LAMA1: variants seen among roughly 807,000 people sequenced by gnomAD.
The protein encoded by LAMA1 is laminin subunit alpha 1.
In LAMA1, 219 loss-of-function variants were observed where a neutral mutation model predicts 348.7. That is an observed-to-expected ratio of 0.63 (90% CI 0.56 to 0.70). The LOEUF (loss-of-function observed/expected upper bound fraction) is 0.70, where lower values mean the gene tolerates loss of function less well. Among genes scored for constraint, LAMA1 ranks in the 30% least tolerant of loss-of-function variants. The pLI is 0.00. For missense variants in LAMA1, 3,744 were observed against 3,888.0 expected (o/e 0.96, Z 0.99); for synonymous variants, 1,487 against 1,491.0 (o/e 1.00, Z 0.06).
chr18:7,099,547 A>T (rs900569535), intron 1 of LAMA1, among the ~76,000 whole-genome samples: 1 of 152,018 alleles, frequency 6.6e-6, no homozygotes, highest in African/African-American at 2.4e-5. Context: ...AGCTAACTCA[A>T]ATGGATCATA....
At chr18:7,084,510 T>C (rs1281014989) in intron 1 of LAMA1, among the ~76,000 whole-genome samples, 1 of 152,208 alleles carries the variant, frequency 6.6e-6, no homozygotes, top group Non-Finnish European at 1.5e-5. Context: ...CAGTTACTGT[T>C]ACTGTGATAC....
At position 7,002,361 on chromosome 18, in the gene LAMA1, C is replaced by T. The variant is rs200862963; in HGVS notation, c.4285G>A (p.Asp1429Asn). 3.1e-6 allele frequency: 5 copies of T among 1,613,640 alleles called. No individual in the cohort carries two copies. Among genetic ancestry groups the T allele is most frequent in the Non-Finnish European group, 3.4e-6 (4 of 1,180,034 alleles). Residue 1429 changes from aspartate (D) to asparagine (N), a missense_variant, in exon 30 of 63, where the codon GAC becomes AAC. By Grantham distance (23) the Asp-to-Asn change is conservative (BLOSUM62 1). Around this residue, in one of 3 missense-constraint regions of LAMA1, gnomAD observed 1,983 missense variants for 1,934.3 expected, o/e 1.03. Coordinates refer to ENST00000389658, the MANE Select transcript of LAMA1 (RefSeq NM_005559.4). ...CLNCGDNTAG[D>N]HCDVCTSGYY... The stretch of plus-strand genomic sequence containing the variant: ...CCAGAAGTACACACATCACAATGGT[C>T]ACCTGCTGTGTTATCGCCACAGTTC...
chr18:7,103,954 G>T (rs2058301702), intron 1 of LAMA1, among the ~76,000 whole-genome samples: 1 of 151,978 alleles, frequency 6.6e-6, no homozygotes, highest in Non-Finnish European at 1.5e-5. Context: ...CGTCTGTCTG[G>T]TCTCTAAATA....
At chr18:7,075,404 C>A (rs1195442254) in intron 3 of LAMA1, among the ~76,000 whole-genome samples, 2 of 152,054 alleles carry the variant, frequency 1.3e-5, no homozygotes, top group Non-Finnish European at 2.9e-5. Context: ...GGGCAGGTCA[C>A]CTGAGGTTGG....
At chr18:7,109,213 G>A (rs1018290776) in intron 1 of LAMA1, among the ~76,000 whole-genome samples, 2 of 152,140 alleles carry the variant, frequency 1.3e-5, no homozygotes, top group Non-Finnish European at 2.9e-5. Flanking sequence ...TCCGGGGACC[G>A]GCTTTATGGT....
At chr18:7,098,394 A>G (rs1167407476) in intron 1 of LAMA1, among the ~76,000 whole-genome samples, 2 of 144,028 alleles carry the variant, frequency 1.4e-5, no homozygotes, top group South Asian at 2.3e-4. Flanking sequence ...CATCCCACCT[A>G]GGAAGTGAGG....
In LAMA1 at chr18:6,967,475, C is replaced by T. The variant is rs558567595; in HGVS notation, c.6900-1178G>A. Among the ~76,000 whole-genome samples the T allele has an allele frequency of 1.2e-3, 181 of 152,260 alleles. 1 individual carries two copies. The highest frequency in any genetic ancestry group is 4.1e-3 in the African/African-American group (172 of 41,552). ...GTCCCCAACATACTAGCTGTGTGAA[C>T]TTGGAAAACTCACCTAACCTCTCTG... is the stretch of plus-strand genomic sequence containing the variant. On this transcript the variant is annotated intron_variant, in intron 48 of 62. Transcript: ENST00000389658.
At chr18:7,096,984 G>C (rs1426539918) in intron 1 of LAMA1, among the ~76,000 whole-genome samples, 1 of 152,214 alleles carries the variant, frequency 6.6e-6, no homozygotes, top group South Asian at 2.1e-4. Flanking sequence ...AGCCGTGAAA[G>C]CCAGCAGCTC....
chr18:7,058,890 A>AT (rs796687550), intron 3 of LAMA1, among the ~76,000 whole-genome samples: 50 of 150,836 alleles, frequency 3.3e-4, no homozygotes, highest in South Asian at 1.1e-3. Flanking sequence ...TAGTATGTAG[A>AT]TTTTTTTTTT....
chr18:7,098,500 C>T (rs1454053208), intron 1 of LAMA1, among the ~76,000 whole-genome samples: 4 of 151,662 alleles, frequency 2.6e-5, no homozygotes, highest in African/African-American at 7.2e-5. Flanking sequence ...TCTGCCCCGC[C>T]GCCCCGTCTG....
At chr18:7,026,138 G>T in intron 16 of LAMA1, 32 bp from the exon 17 acceptor site, 1 of 1,605,834 alleles carries the variant, frequency 6.2e-7, no homozygotes, top group Non-Finnish European at 8.5e-7. Flanking sequence ...ATCAGCTCAG[G>T]TTGTCTTAAA....
At chr18:7,058,485 G>A (rs28597768) in intron 3 of LAMA1, among the ~76,000 whole-genome samples, 3,659 of 152,274 alleles carry the variant, frequency 0.024, 121 homozygotes, top group African/African-American at 0.077. Context: ...ATACATTGAA[G>A]TTCTAACTTC....
intron 1 of LAMA1, among the ~76,000 whole-genome samples, chr18:7,088,553 T>C (rs1280022286): frequency 1.3e-5 from 2 of 152,142 alleles, no homozygotes; most frequent in Non-Finnish European, 2.9e-5. Flanking sequence ...GTTTTTATTC[T>C]GTTGCTCAGG....
At chr18:7,102,782 T>A (rs569898387) in intron 1 of LAMA1, among the ~76,000 whole-genome samples, 1 of 152,318 alleles carries the variant, frequency 6.6e-6, no homozygotes, top group African/African-American at 2.4e-5. Flanking sequence ...CAAATACTTG[T>A]TGACTATGTG....
intron 17 of LAMA1, 147 bp downstream of exon 17, chr18:7,025,832 C>T (rs2057940128): frequency 1.7e-6 from 2 of 1,178,512 alleles, no homozygotes; most frequent in Non-Finnish European, 2.5e-6. Flanking sequence ...AATAACCCAC[C>T]CCTCTGTCTT....
chr18:6,951,088 G>T lies in LAMA1; in HGVS notation c.8208-117C>A, dbSNP rs1335048906. On this transcript the variant is annotated intron_variant, in intron 57 of 62. Transcript: ENST00000389658. ...TTACATTGAACATCTCAGGAGAGAG[G>T]GGTATTCATTCCTTCATCCATTTAC... 10 of 874,902 alleles carry T rather than the reference G, an allele frequency of 1.1e-5. No individual in the cohort carries two copies. In the East Asian group the frequency reaches 2.4e-4, roughly 21 times the overall value. The allele number at this position is 874,902 out of a possible 1,614,324, so 54.2% of individuals were successfully genotyped here.
intron 9 of LAMA1, among the ~76,000 whole-genome samples, chr18:7,041,639 T>C (rs139484964): frequency 6.6e-4 from 101 of 152,348 alleles, no homozygotes; most frequent in African/African-American, 2.2e-3. Flanking sequence ...ACCAAGTTAA[T>C]GGGAGGACTT....
chr18:7,086,230 C>G (rs181615507), intron 1 of LAMA1, among the ~76,000 whole-genome samples: 2 of 152,082 alleles, frequency 1.3e-5, no homozygotes, highest in Non-Finnish European at 1.5e-5. Context: ...TTCTTCTCAC[C>G]GATGTGGATA....
intron 3 of LAMA1, among the ~76,000 whole-genome samples, chr18:7,057,626 C>T (rs2058087373): frequency 6.6e-6 from 1 of 151,394 alleles, no homozygotes; most frequent in African/African-American, 2.4e-5. Context: ...AGACAAGCCA[C>T]ACCATGCCTG....
Sources: allele counts gnomAD v4.1 joint callset (sites outside exome capture counted in the v4.1 genomes callset), GRCh38; gene constraint gnomAD v4.1.1; regional missense constraint gnomAD v4.1.1; transcripts MANE v1.5; gene names NCBI Gene and HGNC (gene_info 2026-07-23, HGNC 2026-07-21).